The following GOLM1 variants were observed in gnomAD, a reference collection of about 807,000 sequenced individuals.
The protein encoded by GOLM1 is epididymis luminal protein 46.
Under a neutral mutation model 50.5 loss-of-function variants are expected in GOLM1, and 31 were observed. That is an observed-to-expected ratio of 0.61 (90% CI 0.46 to 0.83). The LOEUF is 0.83. GOLM1 is among the 40% of genes least tolerant of loss of function. The pLI, the probability that GOLM1 is intolerant of heterozygous loss-of-function variation, is 0.00. For missense variants in GOLM1, 491 were observed against 501.3 expected (o/e 0.98, Z 0.20); for synonymous variants, 178 against 192.8 (o/e 0.92, Z 0.64).
At chr9:86,078,362 G>A (rs570675894) in intron 2 of GOLM1, among the ~76,000 whole-genome samples, 1 of 152,326 alleles carries the variant, frequency 6.6e-6, no homozygotes, top group South Asian at 2.1e-4. Context: ...ATCAAAGACA[G>A]CTAGGGATTT....
At chr9:86,034,887 CCAA>C in intron 8 of GOLM1, 1 of 500,662 alleles carries the variant, frequency 2.0e-6, no homozygotes, top group Non-Finnish European at 2.6e-6. Context: ...AAAGAGTCAA[CCAA>C]ACCAAAAAGG....
chr9:86,031,099 G>A (rs971998333), intron 9 of GOLM1, among the ~76,000 whole-genome samples: 1 of 152,006 alleles, frequency 6.6e-6, no homozygotes, highest in Non-Finnish European at 1.5e-5. Flanking sequence ...AATCTCAGCT[G>A]CTCGGGAGGC....
rs754199136 is a variant in GOLM1, at chr9:86,035,389, C to G, written c.994G>C (p.Glu332Gln). Residue 332 changes from glutamate (E) to glutamine (Q), a missense_variant, in exon 8 of 10, where the codon GAG becomes CAG. By Grantham distance (29) the Glu-to-Gln change is conservative (BLOSUM62 2). Coordinates refer to ENST00000388712, the MANE Select transcript of GOLM1 (RefSeq NM_016548.4). ...QLVIPDGQEEEQEAAGEGRNQ... is the reference protein window; with the variant it reads ...QLVIPDGQEEQQEAAGEGRNQ... The stretch of plus-strand genomic sequence containing the variant: ...CCACCTTCCCCGGCAGCTTCCTGCT[C>G]CTCCTCCTGTCCGTCGGGGATGACA... The G allele has an allele frequency of 3.7e-6, 6 of 1,613,774 alleles. No individual in the cohort carries two copies. Among genetic ancestry groups the G allele is most frequent in the East Asian group, 2.2e-5 (1 of 44,880 alleles).
chr9:86,091,616 T>C lies in GOLM1; in HGVS notation c.-22+7795A>G, dbSNP rs565814827. On this transcript the variant is annotated intron_variant, in intron 1 of 9. Coordinates refer to ENST00000388712, the MANE Select transcript of GOLM1 (RefSeq NM_016548.4). ...TCTTGTCGCCCAGGCTGGAGTGCAGTGGTACAATCATGGCTCACTGCAGCC... is the reference window on the plus strand; with the variant it reads ...TCTTGTCGCCCAGGCTGGAGTGCAGCGGTACAATCATGGCTCACTGCAGCC... 2.6e-5 allele frequency among the ~76,000 whole-genome samples: 4 copies of C among 152,306 alleles called. No individual in the cohort carries two copies. In the East Asian group the frequency reaches 7.7e-4, roughly 29 times the overall value.
chr9:86,034,978 C>CTTCCTTCA, intron 8 of GOLM1: 2 of 972,030 alleles, frequency 2.1e-6, no homozygotes, highest in Non-Finnish European at 2.4e-6. Flanking sequence ...TCCTTCCTTC[C>CTTCCTTCA]TTCATTCATT....
chr9:86,042,103 C>T lies in GOLM1; in HGVS notation c.468-1235G>A, dbSNP rs143440080. ...CTGCACTCCAGCCTGGGCGACAGAG[C>T]GAGACTCCGTCTCAAAAAAAACAAA... On this transcript the variant is annotated intron_variant, in intron 5 of 9. Coordinates refer to ENST00000388712, the MANE Select transcript of GOLM1 (RefSeq NM_016548.4). Among the ~76,000 whole-genome samples the T allele has an allele frequency of 9.2e-3, 1,393 of 152,180 alleles. 9 individuals carry two copies. The highest frequency in any genetic ancestry group is 0.017 in the Middle Eastern group (5 of 294).
intron 3 of GOLM1, among the ~76,000 whole-genome samples, chr9:86,054,528 G>A (rs62573247): frequency 6.6e-6 from 1 of 151,988 alleles, no homozygotes; most frequent in African/African-American, 2.4e-5. Context: ...CCGGCCTCAT[G>A]TATTCTTCTT....
At chr9:86,077,850 A>C in intron 2 of GOLM1, 1 of 465,772 alleles carries the variant, frequency 2.1e-6, no homozygotes, top group Non-Finnish European at 3.8e-6. Context: ...GTGAGGCTTA[A>C]ATGTGCTAAG....
intron 3 of GOLM1, among the ~76,000 whole-genome samples, chr9:86,066,002 T>C (rs566286867): frequency 6.6e-6 from 1 of 152,152 alleles, no homozygotes; most frequent in Non-Finnish European, 1.5e-5. Context: ...ATTACGCCAC[T>C]GTACTCCAGC....
At chr9:86,036,297 T>C (rs1346418846) in intron 7 of GOLM1, 51 bp downstream of exon 7, 1 of 1,595,894 alleles carries the variant, frequency 6.3e-7, no homozygotes, top group South Asian at 1.1e-5. Flanking sequence ...CTGCTTCCTC[T>C]GATGGGGCTC....
chr9:86,047,748 GCAGT>G (rs1272569408), intron 4 of GOLM1, among the ~76,000 whole-genome samples: 1 of 152,196 alleles, frequency 6.6e-6, no homozygotes, highest in Non-Finnish European at 1.5e-5. Flanking sequence ...ATACAACTCA[GCAGT>G]CAAAGAAATG....
At position 86,026,848 on chromosome 9, in the gene GOLM1, T is replaced by C. The variant is rs1008246000; in HGVS notation, c.*969A>G. On this transcript the variant is annotated 3_prime_UTR_variant, in exon 10 of 10. Coordinates refer to ENST00000388712, the MANE Select transcript of GOLM1 (RefSeq NM_016548.4). Reference sequence around the variant, plus strand: ...GTGTACACTATGATAAAAACAACCATTGTATTCCTGTTTTTCTAAACAGTC... The same window carrying C: ...GTGTACACTATGATAAAAACAACCACTGTATTCCTGTTTTTCTAAACAGTC... The C allele has an allele frequency of 3.1e-6, 3 of 980,998 alleles. No homozygotes were observed. The highest frequency in any genetic ancestry group is 3.5e-5 in the African/African-American group (2 of 57,136). 60.8% of individuals were successfully genotyped at this position (980,998 alleles called of 1,614,324 possible).
intron 1 of GOLM1, among the ~76,000 whole-genome samples, chr9:86,098,850 G>T (rs1000353598): frequency 1.2e-4 from 18 of 152,160 alleles, no homozygotes; most frequent in Admixed American, 7.2e-4. Flanking sequence ...CGCGCGGCGG[G>T]AGGACCCGGA....
intron 3 of GOLM1, among the ~76,000 whole-genome samples, chr9:86,064,662 A>G (rs1343311104): frequency 6.6e-6 from 1 of 152,134 alleles, no homozygotes; most frequent in Non-Finnish European, 1.5e-5. Flanking sequence ...CTTGAACTCA[A>G]GTCCAAACTC....
chr9:86,059,155 C>T (rs1037685774), intron 3 of GOLM1, among the ~76,000 whole-genome samples: 1 of 152,078 alleles, frequency 6.6e-6, no homozygotes, highest in African/African-American at 2.4e-5. Flanking sequence ...AAAAGTTCAA[C>T]ACAGAGCTAC....
chr9:86,057,315 A>G (rs925951994), intron 3 of GOLM1, among the ~76,000 whole-genome samples: 2 of 152,258 alleles, frequency 1.3e-5, no homozygotes, highest in Non-Finnish European at 2.9e-5. Context: ...GTATCACATT[A>G]TGAAAGCTCA....
intron 1 of GOLM1, among the ~76,000 whole-genome samples, chr9:86,084,144 C>T (rs6559900): frequency 0.24 from 36,733 of 152,118 alleles, 7,534 homozygotes; most frequent in African/African-American, 0.54. Flanking sequence ...AATACAGGGG[C>T]TCGTATCAGC....
intron 3 of GOLM1, among the ~76,000 whole-genome samples, chr9:86,055,389 C>A (rs1030631813): frequency 6.6e-6 from 1 of 152,084 alleles, no homozygotes; most frequent in Non-Finnish European, 1.5e-5. Flanking sequence ...GCTCGCTCTG[C>A]GTGAAAAGCG....
At chr9:86,038,422 T>C (rs1833223825) in intron 6 of GOLM1, among the ~76,000 whole-genome samples, 1 of 152,114 alleles carries the variant, frequency 6.6e-6, no homozygotes, top group Admixed American at 6.5e-5. Context: ...TGCGGGCATA[T>C]TATCTGAGCC....
Sources: gnomAD v4.1 joint callset for allele counts (sites outside exome capture counted in the v4.1 genomes callset) on GRCh38, gnomAD v4.1.1 for gene constraint, MANE v1.5 for transcripts, NCBI Gene and HGNC (gene_info 2026-07-23, HGNC 2026-07-21) for gene names.